Variants in TECPR2 observed in about 807,000 individuals in gnomAD.
TECPR2 encodes tectonin beta-propeller repeat-containing protein 2.
A neutral mutation model predicts 138.1 loss-of-function variants in TECPR2; 65 were observed. The ratio of observed to expected loss-of-function variants is 0.47; its 90% CI spans 0.39 to 0.58. The LOEUF (loss-of-function observed/expected upper bound fraction) is 0.58, where lower values mean the gene tolerates loss of function less well. TECPR2 is among the 20% of genes least tolerant of loss of function. The probability of loss-of-function intolerance (pLI) is 0.00; values close to 1 mark genes in which losing one functional copy is unlikely to be tolerated. For synonymous variants in TECPR2, 746 were observed against 749.8 expected (o/e 0.99, Z 0.08); for missense variants, 1,553 against 1,824.5 (o/e 0.85, Z 2.71).
At chr14:102,464,879 G>A (rs1855997937) in intron 16 of TECPR2, among the ~76,000 whole-genome samples, 1 of 152,158 alleles carries the variant, frequency 6.6e-6, no homozygotes, top group Non-Finnish European at 1.5e-5. Context: ...GCCTGGAAGG[G>A]GTGCCGTGTG....
At chr14:102,366,373 A>T (rs1346896436) in intron 1 of TECPR2, among the ~76,000 whole-genome samples, 6 of 152,004 alleles carry the variant, frequency 3.9e-5, no homozygotes, top group Non-Finnish European at 5.9e-5. Flanking sequence ...TTGAGATGAA[A>T]TATCACTCTG....
chr14:102,369,591 CT>C, intron 1 of TECPR2, among the ~76,000 whole-genome samples: 1 of 151,960 alleles, frequency 6.6e-6, no homozygotes, highest in Non-Finnish European at 1.5e-5. Flanking sequence ...CACCTGGCTA[CT>C]TTTTTGTATT....
At position 102,452,504 on chromosome 14, in the gene TECPR2, G is replaced by A. The variant is rs762000782; in HGVS notation, c.3517G>A (p.Ala1173Thr). 74 of 1,612,732 alleles carry A rather than the reference G, an allele frequency of 4.6e-5. No individual in the cohort carries two copies. Among genetic ancestry groups the A allele is most frequent in the Middle Eastern group, 3.3e-4 (2 of 6,084 alleles). ...GCTGCCTCCCGAAGCCGAGATGCGC[G>A]CCTATGCCGCCTGCCAGGATGCGCT... is the stretch of plus-strand genomic sequence containing the variant. ...VQLPPEAEMR[A>T]YAACQDALWA... The change falls in exon 16 of 20, where the codon GCC (alanine) becomes ACC (threonine). Residue 1173 changes from alanine (A) to threonine (T), a missense_variant. Ala to Thr is a moderately conservative substitution (Grantham distance 58). Coordinates refer to ENST00000359520, the MANE Select transcript of TECPR2 (RefSeq NM_014844.5).
chr14:102,482,934 C>T (rs1045286111), intron 17 of TECPR2, among the ~76,000 whole-genome samples: 1 of 148,920 alleles, frequency 6.7e-6, no homozygotes, highest in African/African-American at 2.5e-5. Context: ...AGCTCTGCCT[C>T]CCAGGTTCAC....
At chr14:102,474,083 C>T (rs10467887) in intron 17 of TECPR2, among the ~76,000 whole-genome samples, 33,025 of 151,804 alleles carry the variant, frequency 0.22, 4,240 homozygotes, top group Middle Eastern at 0.31. Context: ...CGTAGTGAGA[C>T]CCCGTCTCTA....
intron 4 of TECPR2, among the ~76,000 whole-genome samples, chr14:102,411,351 C>G (rs943412552): frequency 1.3e-5 from 2 of 152,354 alleles, no homozygotes; most frequent in Non-Finnish European, 2.9e-5. Flanking sequence ...TACGTATACG[C>G]CCAGATGGCC....
intron 17 of TECPR2, among the ~76,000 whole-genome samples, chr14:102,470,943 C>T (rs1359816091): frequency 1.3e-5 from 2 of 151,904 alleles, no homozygotes; most frequent in Admixed American, 6.6e-5. Flanking sequence ...CTCAGCCTCA[C>T]GAGTAGCTGG....
chr14:102,477,149 G>C (rs569950142), intron 17 of TECPR2, among the ~76,000 whole-genome samples: 3 of 152,320 alleles, frequency 2.0e-5, no homozygotes, highest in African/African-American at 7.2e-5. Context: ...GCGGGTGGAT[G>C]ACCTGAGGTC....
Position 102,474,923 on chromosome 14 carries a change from G to C in TECPR2, c.3789+9634G>C, listed in dbSNP as rs973098229. On this transcript the variant is annotated intron_variant, in intron 17 of 19. Transcript: ENST00000359520. ...CCTTGCCACTTCCTTCTGCAGATGA[G>C]GAAAGCAAGGCCTGGCAAAAGCAAG... Among the ~76,000 whole-genome samples the C allele has an allele frequency of 5.9e-5, 9 of 152,228 alleles. No homozygotes were observed. The South Asian group carries it at 1.2e-3, about 21-fold the overall frequency.
chr14:102,474,197 G>T (rs1595143425), intron 17 of TECPR2, among the ~76,000 whole-genome samples: 1 of 152,136 alleles, frequency 6.6e-6, no homozygotes, highest in South Asian at 2.1e-4. Context: ...GAGCCCAGGA[G>T]GTCAAGGCTG....
At chr14:102,399,463 G>A (rs370725905) in intron 2 of TECPR2, among the ~76,000 whole-genome samples, 21 of 152,124 alleles carry the variant, frequency 1.4e-4, no homozygotes, top group South Asian at 4.1e-4. Flanking sequence ...GACCTGCCCC[G>A]CAAGAAATAC....
Position 102,449,762 on chromosome 14 carries a change from G to A in TECPR2, c.3209G>A (p.Trp1070Ter). 1 of 1,614,122 alleles carries A rather than the reference G, an allele frequency of 6.2e-7. No individual in the cohort carries two copies. The highest frequency in any genetic ancestry group is 8.5e-7 in the Non-Finnish European group (1 of 1,180,024). The change falls in exon 14 of 20, where the codon TGG becomes TAG. Residue 1070 changes from tryptophan (W) to a stop codon, truncating the protein, a stop_gained. Coordinates refer to ENST00000359520, the MANE Select transcript of TECPR2 (RefSeq NM_014844.5). LOFTEE classifies it high-confidence loss of function. ...GCAGATAAGCTGCGCATGGCGTTTT[G>A]GTCCCAGCAGCTTCAGTGCCAGCCA... ...KVADKLRMAF[W>*]SQQLQCQPSL...
At chr14:102,495,639 G>C (rs1045704559) in intron 17 of TECPR2, among the ~76,000 whole-genome samples, 22 of 152,250 alleles carry the variant, frequency 1.4e-4, no homozygotes, top group African/African-American at 5.3e-4. Context: ...AGCAGCAAAG[G>C]CAAACACTGG....
chr14:102,479,948 G>GGA (rs1273673100), intron 17 of TECPR2, among the ~76,000 whole-genome samples: 1 of 152,250 alleles, frequency 6.6e-6, no homozygotes, highest in Non-Finnish European at 1.5e-5. Context: ...CTGCCAGCCA[G>GGA]GAGGGACTGT....
rs1184951738 is a variant in TECPR2, at chr14:102,443,664, C to T, written c.2770C>T (p.Pro924Ser). ...YLQTGLSVDRPCARAVKVDCP... is the reference protein window; with the variant it reads ...YLQTGLSVDRSCARAVKVDCP... Reference sequence around the variant, plus strand: ...CCTGGCAGGTCTGAGCGTGGATCGCCCTTGTGCCAGAGCCGTAAAGGTGGA... The same window carrying T: ...CCTGGCAGGTCTGAGCGTGGATCGCTCTTGTGCCAGAGCCGTAAAGGTGGA... The change falls in exon 12 of 20, where the codon CCT (proline) becomes TCT (serine). Residue 924 changes from proline to serine, a missense_variant. Transcript: ENST00000359520. This position sits in a 1 kb window ranked among gnomAD's most constrained non-coding sequence, Gnocchi z 4.9. The T allele has an allele frequency of 6.3e-7, 1 of 1,598,680 alleles. No homozygotes were observed. The highest frequency in any genetic ancestry group is 2.2e-5 in the East Asian group (1 of 44,620).
chr14:102,414,910 C>A, intron 5 of TECPR2, 117 bp downstream of exon 5: 1 of 1,315,800 alleles, frequency 7.6e-7, no homozygotes, highest in Non-Finnish European at 1.0e-6. Flanking sequence ...ACCCACAGCG[C>A]CTCTAAGCCT....
Position 102,434,664 on chromosome 14 carries a change from A to G in TECPR2, c.1847A>G (p.Gln616Arg), listed in dbSNP as rs1889607028. ...CCAAATAGCACACAGTTACCCTTCC[A>G]AGAACAGGACAGCTCTCCTGGGGCG... Reference protein sequence around the residue: ...DGPNSTQLPFQEQDSSPGAHD... With the variant: ...DGPNSTQLPFREQDSSPGAHD... The change falls in exon 9 of 20, where the codon CAA becomes CGA. Residue 616 changes from glutamine to arginine, a missense_variant. By Grantham distance (43) the Gln-to-Arg change is conservative (BLOSUM62 1). Coordinates refer to ENST00000359520, the MANE Select transcript of TECPR2 (RefSeq NM_014844.5). The G allele has an allele frequency of 6.2e-7, 1 of 1,608,224 alleles. No homozygotes were observed. Among genetic ancestry groups the G allele is most frequent in the Non-Finnish European group, 8.5e-7 (1 of 1,175,766 alleles).
chr14:102,501,325 C>G lies in TECPR2; in HGVS notation c.*3068C>G, dbSNP rs888755599. The G allele has an allele frequency of 9.8e-5, 15 of 152,344 alleles. 1 individual carries two copies. The highest frequency in any genetic ancestry group is 3.6e-4 in the African/African-American group (15 of 41,580). 9.4% of individuals were successfully genotyped at this position (152,344 alleles called of 1,614,324 possible). ...CTGGATGGCAAAGGCTTTCTAAACT[C>G]AAAAGTGATAGGACAAGCTACAGAG... On this transcript the variant is annotated 3_prime_UTR_variant, in exon 20 of 20. Coordinates refer to ENST00000359520, the MANE Select transcript of TECPR2 (RefSeq NM_014844.5).
In TECPR2 at chr14:102,499,060, G is replaced by T; in HGVS notation, c.*803G>T. The T allele has an allele frequency of 1.4e-6, 1 of 702,278 alleles. No individual in the cohort carries two copies. Among genetic ancestry groups the T allele is most frequent in the Non-Finnish European group, 2.6e-6 (1 of 384,650 alleles). 43.5% of individuals were successfully genotyped at this position (702,278 alleles called of 1,614,324 possible). ...ACACCACACCACACCACACCTCACT[G>T]CCCACACACGGCGCAGGCTGCCCGC... is the stretch of plus-strand genomic sequence containing the variant. On this transcript the variant is annotated 3_prime_UTR_variant, in exon 20 of 20. Transcript: ENST00000359520.
Sources: allele counts gnomAD v4.1 joint callset (sites outside exome capture counted in the v4.1 genomes callset), GRCh38; gene constraint gnomAD v4.1.1; non-coding constraint Gnocchi (gnomAD v3.1); transcripts MANE v1.5; gene names NCBI Gene and HGNC (gene_info 2026-07-23, HGNC 2026-07-21).